The following ANKRD55 variants were observed in gnomAD, a reference collection of about 807,000 sequenced individuals.
The protein encoded by ANKRD55 is ankyrin repeat domain-containing protein 55.
In ANKRD55, 41 loss-of-function variants were observed where a neutral mutation model predicts 60.6. The observed-to-expected ratio is 0.68, with a 90% CI of 0.53 to 0.88. The LOEUF (loss-of-function observed/expected upper bound fraction) is 0.88, where lower values mean the gene tolerates loss of function less well. Among genes scored for constraint, ANKRD55 ranks in the 40% least tolerant of loss-of-function variants. ANKRD55 has a pLI of 0.00. For missense variants in ANKRD55, 732 were observed against 767.6 expected (o/e 0.95, Z 0.55); for synonymous variants, 264 against 290.3 (o/e 0.91, Z 0.92).
At chr5:56,147,393 G>C (rs539209331) in intron 6 of ANKRD55, among the ~76,000 whole-genome samples, 26 of 152,266 alleles carry the variant, frequency 1.7e-4, no homozygotes, top group African/African-American at 6.3e-4. Context: ...TGGATTCAAG[G>C]TTGTCTTACT....
At chr5:56,118,235 T>C (rs1262118070) in intron 8 of ANKRD55, among the ~76,000 whole-genome samples, 1 of 152,202 alleles carries the variant, frequency 6.6e-6, no homozygotes, top group East Asian at 1.9e-4. Flanking sequence ...CAGTGTTTTC[T>C]TAAGAGAATA....
intron 2 of ANKRD55, chr5:56,193,350 C>T: frequency 1.2e-6 from 1 of 831,120 alleles, no homozygotes; most frequent in Non-Finnish European, 1.9e-6. Flanking sequence ...ACTTTTCATC[C>T]CTTTGTTTCA....
intron 9 of ANKRD55, 63 bp downstream of exon 9, chr5:56,116,552 T>G: frequency 7.3e-7 from 1 of 1,362,096 alleles, no homozygotes; most frequent in Non-Finnish European, 9.6e-7. Context: ...ATTTAAAACA[T>G]TTCATCCAAA....
At chr5:56,136,494 A>G (rs1757601146) in intron 7 of ANKRD55, among the ~76,000 whole-genome samples, 1 of 152,248 alleles carries the variant, frequency 6.6e-6, no homozygotes, top group Admixed American at 6.5e-5. Flanking sequence ...AAGCAATACA[A>G]TAAAGAAGAG....
At chr5:56,223,161 G>C (rs1760013680) in intron 2 of ANKRD55, among the ~76,000 whole-genome samples, 1 of 152,190 alleles carries the variant, frequency 6.6e-6, no homozygotes, top group South Asian at 2.1e-4. Flanking sequence ...TCTCTTGGCA[G>C]AAACTCTACA....
chr5:56,144,730 A>G (rs1010332963), intron 6 of ANKRD55, among the ~76,000 whole-genome samples: 17 of 152,222 alleles, frequency 1.1e-4, no homozygotes, highest in Non-Finnish European at 2.5e-4. Context: ...GGATAAATGA[A>G]TGGTGAATCC....
rs1408817498 is a variant in ANKRD55, at chr5:56,208,569, C to T, written c.58+24287G>A. ...CCTCCCGAGTAGCTGGGACTACAGG[C>T]GCCCGCCACCATGCCCAGCTAATTT... On this transcript the variant is annotated intron_variant, in intron 2 of 11. Coordinates refer to ENST00000341048, the MANE Select transcript of ANKRD55 (RefSeq NM_024669.3). Among the ~76,000 whole-genome samples, 4 of 152,070 alleles carry T rather than the reference C, an allele frequency of 2.6e-5. No homozygotes were observed. The South Asian group carries it at 6.2e-4, about 24-fold the overall frequency.
intron 7 of ANKRD55, among the ~76,000 whole-genome samples, chr5:56,135,522 A>C (rs2111742634): frequency 6.6e-6 from 1 of 151,864 alleles, no homozygotes; most frequent in South Asian, 2.1e-4. Flanking sequence ...GGCATGTGCC[A>C]CCACACCCTG....
chr5:56,166,158 T>TTCTTTCCTTCCTTCC (rs58740295), intron 5 of ANKRD55, among the ~76,000 whole-genome samples: 83 of 72,148 alleles, frequency 1.2e-3, no homozygotes, highest in Non-Finnish European at 1.6e-3. Context: ...TTCTTTCTTC[T>TTCTTTCCTTCCTTCC]TTCCTTCCTT....
chr5:56,232,741 C>T, intron 2 of ANKRD55, 115 bp downstream of exon 2: 1 of 884,210 alleles, frequency 1.1e-6, no homozygotes, highest in Non-Finnish European at 1.7e-6. Context: ...CACCCACGCA[C>T]ATGAACACAC....
In ANKRD55 at chr5:56,183,719, G is replaced by C. The variant is rs1020903689; in HGVS notation, c.59-85C>G. ...AATACCCAAGTCGTCACCCACACAA[G>C]TGATTCATTAAAACTTCTCAAGTGA... On this transcript the variant is annotated intron_variant, in intron 2 of 11. Coordinates refer to ENST00000341048, the MANE Select transcript of ANKRD55 (RefSeq NM_024669.3). 2.7e-5 allele frequency: 41 copies of C among 1,545,562 alleles called. No individual in the cohort carries two copies. The South Asian group carries it at 4.6e-4, about 17-fold the overall frequency.
intron 2 of ANKRD55, among the ~76,000 whole-genome samples, chr5:56,209,415 A>T (rs530562559): frequency 1.2e-4 from 19 of 152,010 alleles, no homozygotes; most frequent in Non-Finnish European, 8.8e-5. Context: ...TTTTGTGATT[A>T]TAAGTTCTGT....
intron 2 of ANKRD55, among the ~76,000 whole-genome samples, chr5:56,211,271 T>C (rs1759666566): frequency 6.6e-6 from 1 of 152,236 alleles, no homozygotes; most frequent in South Asian, 2.1e-4. Context: ...GCATTGCTCA[T>C]GTGATCTTTT....
At chr5:56,172,520 C>T (rs1003796737) in intron 4 of ANKRD55, among the ~76,000 whole-genome samples, 3 of 152,020 alleles carry the variant, frequency 2.0e-5, no homozygotes, top group African/African-American at 7.3e-5. Flanking sequence ...GTTTGAAACA[C>T]TTTTAAAAAT....
intron 3 of ANKRD55, among the ~76,000 whole-genome samples, chr5:56,181,197 T>G (rs536998775): frequency 1.3e-5 from 2 of 152,118 alleles, no homozygotes; most frequent in South Asian, 4.1e-4. Flanking sequence ...GATGTATGCT[T>G]TTTATTTCCT....
At chr5:56,141,930 T>C (rs1018432773) in intron 7 of ANKRD55, among the ~76,000 whole-genome samples, 13 of 152,204 alleles carry the variant, frequency 8.5e-5, no homozygotes, top group African/African-American at 2.7e-4. Context: ...CAAGCAAGTG[T>C]TGACTTGCCT....
intron 8 of ANKRD55, among the ~76,000 whole-genome samples, chr5:56,124,098 C>T (rs1757163133): frequency 6.6e-6 from 1 of 152,162 alleles, no homozygotes; most frequent in South Asian, 2.1e-4. Context: ...CCAGAGAATT[C>T]CCAGAAATAC....
At chr5:56,205,448 G>A (rs1001304023) in intron 2 of ANKRD55, among the ~76,000 whole-genome samples, 2 of 152,154 alleles carry the variant, frequency 1.3e-5, no homozygotes, top group African/African-American at 4.8e-5. Flanking sequence ...GACTAGAGCT[G>A]TTCAGATACA....
In ANKRD55 at chr5:56,203,945, C is replaced by T. The variant is rs531195413; in HGVS notation, c.59-20311G>A. ...CACAATGGTTGAACTAGTTTACAGT[C>T]CCACCAACAGTGTAAAAGTGTTCCT... On this transcript the variant is annotated intron_variant, in intron 2 of 11. Coordinates refer to ENST00000341048, the MANE Select transcript of ANKRD55 (RefSeq NM_024669.3). Among the ~76,000 whole-genome samples, 21 of 152,158 alleles carry T rather than the reference C, an allele frequency of 1.4e-4. No individual in the cohort carries two copies. In the South Asian group the frequency reaches 3.9e-3, roughly 29 times the overall value.
Sources: allele counts gnomAD v4.1 joint callset (sites outside exome capture counted in the v4.1 genomes callset), GRCh38; gene constraint gnomAD v4.1.1; transcripts MANE v1.5; gene names NCBI Gene and HGNC (gene_info 2026-07-23, HGNC 2026-07-21).